PSD3: variants seen among roughly 807,000 people sequenced by gnomAD.
PSD3 encodes the protein pleckstrin and Sec7 domain containing 3, also known as PH and SEC7 domain-containing protein 3.
Under a neutral mutation model 105.5 loss-of-function variants are expected in PSD3, and 49 were observed. The ratio of observed to expected loss-of-function variants is 0.46; its 90% CI spans 0.37 to 0.59. The LOEUF (loss-of-function observed/expected upper bound fraction) is 0.59, where lower values mean the gene tolerates loss of function less well. Ranked by LOEUF, PSD3 falls within the 20% of genes least tolerant of loss-of-function variation. PSD3 has a pLI of 0.00. For synonymous variants in PSD3, 557 were observed against 457.8 expected, an observed-to-expected ratio of 1.22 and a Z score of -2.77; for missense variants, 1,561 against 1,263.8, an observed-to-expected ratio of 1.24 and a Z score of -3.57.
intron 4 of PSD3, among the ~76,000 whole-genome samples, chr8:18,862,359 C>T (rs553785157): frequency 1.5e-5 from 2 of 133,716 alleles, no homozygotes; most frequent in African/African-American, 2.9e-5. Flanking sequence ...CATCACTGAG[C>T]AGGAACTCCT....
chr8:18,865,272 ATATATATATATATATTTTTTTTTTTT>A (rs1200684553), intron 4 of PSD3: 37 of 2,188 alleles, frequency 0.017, 1 homozygote, highest in African/African-American at 0.059. Flanking sequence ...ATATATATAT[ATATATATATATATATTTTTTTTTTTT>A]TTTTTTTTTT....
intron 8 of PSD3, among the ~76,000 whole-genome samples, chr8:18,783,990 G>A (rs1304079895): frequency 6.6e-6 from 1 of 152,094 alleles, no homozygotes; most frequent in Non-Finnish European, 1.5e-5. Flanking sequence ...GGACCTATTG[G>A]TTATTTAGGA....
chr8:18,882,635 C>G (rs1225421292), intron 2 of PSD3, among the ~76,000 whole-genome samples: 3 of 152,122 alleles, frequency 2.0e-5, no homozygotes, highest in African/African-American at 7.2e-5. Context: ...ATAAATTTCT[C>G]AATGGATTTC....
chr8:18,904,775 A>C (rs1432577796), intron 2 of PSD3, among the ~76,000 whole-genome samples: 1 of 152,222 alleles, frequency 6.6e-6, no homozygotes, highest in Non-Finnish European at 1.5e-5. Flanking sequence ...ATAAACACGC[A>C]ACTTTGCCAT....
intron 9 of PSD3, among the ~76,000 whole-genome samples, chr8:18,683,255 C>G (rs901694628): frequency 3.0e-4 from 46 of 152,130 alleles, no homozygotes; most frequent in African/African-American, 1.1e-3. Context: ...TTACATATGC[C>G]TGGGGCTAAC....
chr8:18,865,694 G>C (rs186207906), intron 4 of PSD3, among the ~76,000 whole-genome samples: 67 of 152,154 alleles, frequency 4.4e-4, no homozygotes, highest in African/African-American at 1.6e-3. Flanking sequence ...TCGGGGAGAG[G>C]CAAGCTGGCG....
At chr8:19,062,677 C>T (rs567166935) in intron 1 of PSD3, among the ~76,000 whole-genome samples, 1 of 152,172 alleles carries the variant, frequency 6.6e-6, no homozygotes, top group Non-Finnish European at 1.5e-5. Flanking sequence ...AAAGTAGATG[C>T]ATAACTTCTA....
intron 1 of PSD3, among the ~76,000 whole-genome samples, chr8:18,958,207 G>C (rs748260639): frequency 6.6e-6 from 1 of 152,140 alleles, no homozygotes; most frequent in Non-Finnish European, 1.5e-5. Flanking sequence ...CTACCGCCAA[G>C]ATATACTGTT....
intron 4 of PSD3, among the ~76,000 whole-genome samples, chr8:18,806,409 G>C (rs1294755027): frequency 6.6e-6 from 1 of 152,220 alleles, no homozygotes; most frequent in Non-Finnish European, 1.5e-5. Context: ...ACTACAGCCT[G>C]TGGTCAGGTA....
At chr8:18,711,128 C>T (rs1395167207) in intron 9 of PSD3, among the ~76,000 whole-genome samples, 1 of 152,150 alleles carries the variant, frequency 6.6e-6, no homozygotes, top group South Asian at 2.1e-4. Context: ...TGCAAGAACT[C>T]CTGTAAGAAG....
At chr8:19,079,762 T>C (rs1250747471) in intron 1 of PSD3, among the ~76,000 whole-genome samples, 3 of 152,246 alleles carry the variant, frequency 2.0e-5, no homozygotes, top group Non-Finnish European at 2.9e-5. Context: ...TACCTGAATG[T>C]CTTGCTCCTC....
At chr8:19,079,642 G>C (rs764641144) in intron 1 of PSD3, among the ~76,000 whole-genome samples, 1 of 152,176 alleles carries the variant, frequency 6.6e-6, no homozygotes, top group Non-Finnish European at 1.5e-5. Flanking sequence ...ACTCGTAATA[G>C]GGGACTTTAT....
intron 9 of PSD3, among the ~76,000 whole-genome samples, chr8:18,732,572 G>A (rs1803841166): frequency 1.3e-5 from 2 of 152,194 alleles, no homozygotes; most frequent in South Asian, 2.1e-4. Context: ...GCAAGCTGGA[G>A]CACCTTGATG....
intron 9 of PSD3, among the ~76,000 whole-genome samples, chr8:18,726,051 A>T (rs1410980376): frequency 6.6e-6 from 1 of 152,200 alleles, no homozygotes; most frequent in Non-Finnish European, 1.5e-5. Context: ...CAGCCAAGAC[A>T]CTAACCTCAC....
intron 9 of PSD3, among the ~76,000 whole-genome samples, chr8:18,706,178 C>T (rs1458099386): frequency 1.3e-5 from 2 of 152,106 alleles, no homozygotes. Flanking sequence ...CAGAGCTCTG[C>T]CACAGCCGTT....
At chr8:18,988,836 T>C (rs1374453467) in intron 1 of PSD3, among the ~76,000 whole-genome samples, 2 of 152,212 alleles carry the variant, frequency 1.3e-5, no homozygotes, top group African/African-American at 4.8e-5. Flanking sequence ...ACCATTGTTT[T>C]ACAAGTCTAC....
chr8:18,770,019 T>C (rs886830222), intron 8 of PSD3, among the ~76,000 whole-genome samples: 2 of 152,340 alleles, frequency 1.3e-5, no homozygotes, highest in East Asian at 1.9e-4. Flanking sequence ...TTGAGTCCTA[T>C]GGTAATCTTG....
At chr8:18,947,122 T>C (rs906135930) in intron 1 of PSD3, among the ~76,000 whole-genome samples, 30 of 152,002 alleles carry the variant, frequency 2.0e-4, no homozygotes, top group Non-Finnish European at 3.4e-4. Flanking sequence ...AGTAACAACA[T>C]CAAGTAAAAA....
At chr8:19,071,766 G>A (rs963128898) in intron 1 of PSD3, among the ~76,000 whole-genome samples, 1 of 152,068 alleles carries the variant, frequency 6.6e-6, no homozygotes, top group African/African-American at 2.4e-5. Context: ...TGTTGCCCAG[G>A]CTGGAGTGCA....
Sources: gnomAD v4.1 joint callset for allele counts (sites outside exome capture counted in the v4.1 genomes callset) on GRCh38, gnomAD v4.1.1 for gene constraint, MANE v1.5 for transcripts, NCBI Gene and HGNC (gene_info 2026-07-23, HGNC 2026-07-21) for gene names.